The following BCO1 variants were observed in gnomAD, a reference collection of about 807,000 sequenced individuals.
BCO1 encodes beta-carotene oxygenase 1, also known as beta,beta-carotene 15,15'-dioxygenase.
A neutral mutation model predicts 56.3 loss-of-function variants in BCO1; 54 were observed. The observed-to-expected ratio is 0.96, with a 90% CI of 0.77 to 1.20. The LOEUF is 1.20. Ranked by LOEUF, BCO1 falls within the 50% of genes most tolerant of loss-of-function variation. BCO1 has a pLI of 0.00. For synonymous variants in BCO1, 318 were observed against 266.1 expected, an observed-to-expected ratio of 1.20 and a Z score of -1.90; for missense variants, 801 against 690.9, an observed-to-expected ratio of 1.16 and a Z score of -1.79.
chr16:81,261,933 G>A, intron 3 of BCO1: 2 of 547,410 alleles, frequency 3.7e-6, no homozygotes, highest in Non-Finnish European at 6.6e-6. Flanking sequence ...TAGTACAGAC[G>A]GGGTTTCACC....
At chr16:81,290,306 G>A (rs761779838) in intron 10 of BCO1, 42 bp from the exon 11 acceptor site, 2 of 1,514,594 alleles carry the variant, frequency 1.3e-6, no homozygotes, top group African/African-American at 2.7e-5. Flanking sequence ...TCCGACTGAA[G>A]CCTGCACTTT....
chr16:81,271,125 T>A (rs375322592), intron 7 of BCO1, among the ~76,000 whole-genome samples: 1 of 149,964 alleles, frequency 6.7e-6, no homozygotes, highest in Admixed American at 6.6e-5. Context: ...TTTTTTTTTA[T>A]TTTTTTTGAG....
At chr16:81,278,700 A>G (rs142177457) in intron 7 of BCO1, among the ~76,000 whole-genome samples, 8 of 152,280 alleles carry the variant, frequency 5.3e-5, no homozygotes, top group African/African-American at 1.4e-4. Context: ...TTTGGGGAAG[A>G]ACCAGCCTCA....
intron 1 of BCO1, among the ~76,000 whole-genome samples, chr16:81,239,934 G>T (rs1905040039): frequency 6.6e-6 from 1 of 152,148 alleles, no homozygotes; most frequent in Non-Finnish European, 1.5e-5. Flanking sequence ...AGTCAGCTCA[G>T]GCCTGCAGGC....
Position 81,285,600 on chromosome 16 carries a change from C to G in BCO1, c.1268C>G (p.Ala423Gly). ...HNGKQYRYVFATGVQWSPIPT... is the reference protein window; with the variant it reads ...HNGKQYRYVFGTGVQWSPIPT... ...GGAAAGCAATACCGATATGTCTTTG[C>G]TACAGGAGTTCAGTGGAGTCCAATC... The change falls in exon 9 of 11, where the codon GCT becomes GGT. Residue 423 changes from alanine (A) to glycine (G), a missense_variant. Physicochemically the swap from Ala to Gly is moderately conservative, Grantham distance 60 (BLOSUM62 0). Transcript: ENST00000258168. 6.2e-7 allele frequency: 1 copy of G among 1,613,484 alleles called. No individual in the cohort carries two copies. The highest frequency in any genetic ancestry group is 8.5e-7 in the Non-Finnish European group (1 of 1,179,352).
chr16:81,270,528 A>G, intron 7 of BCO1, 112 bp downstream of exon 7: 1 of 1,356,512 alleles, frequency 7.4e-7, no homozygotes, highest in African/African-American at 1.5e-5. Flanking sequence ...CTGTTCTTGA[A>G]AAAAAAAAAA....
intron 7 of BCO1, among the ~76,000 whole-genome samples, chr16:81,275,907 A>C (rs999066265): frequency 3.3e-5 from 5 of 151,494 alleles, no homozygotes; most frequent in Admixed American, 2.0e-4. Context: ...GGCAGGGCTT[A>C]GCAGTGGCGG....
intron 4 of BCO1, 101 bp from the exon 5 acceptor site, chr16:81,264,539 T>C (rs1442631286): frequency 2.2e-6 from 3 of 1,394,176 alleles, no homozygotes; most frequent in South Asian, 1.2e-5. Flanking sequence ...CACGTTTTCA[T>C]AGGACTTCAA....
Position 81,249,592 on chromosome 16 carries a change from G to C in BCO1, c.193+3989G>C, listed in dbSNP as rs574065927. On this transcript the variant is annotated intron_variant, in intron 2 of 10. Coordinates refer to ENST00000258168, the MANE Select transcript of BCO1 (RefSeq NM_017429.3). Reference sequence around the variant, plus strand: ...TTTTTGTATTTTTAGTAGAGATGGGGGTTTCATCATGTTGGCCAGGCCGGT... The same window carrying C: ...TTTTTGTATTTTTAGTAGAGATGGGCGTTTCATCATGTTGGCCAGGCCGGT... Among the ~76,000 whole-genome samples, 3 of 152,086 alleles carry C rather than the reference G, an allele frequency of 2.0e-5. No individual in the cohort carries two copies. In the East Asian group the frequency reaches 5.8e-4, roughly 29 times the overall value.
intron 1 of BCO1, among the ~76,000 whole-genome samples, chr16:81,244,505 C>A (rs1218710023): frequency 6.6e-6 from 1 of 151,950 alleles, no homozygotes; most frequent in Non-Finnish European, 1.5e-5. Flanking sequence ...TCAGACCAAC[C>A]ACATTTCAAG....
chr16:81,265,514 C>G (rs568023374), intron 5 of BCO1, among the ~76,000 whole-genome samples: 100 of 135,206 alleles, frequency 7.4e-4, no homozygotes, highest in African/African-American at 2.5e-3. Context: ...ATTTATCCAT[C>G]TACCCATTCT....
At chr16:81,244,717 CTTTT>C in intron 1 of BCO1, among the ~76,000 whole-genome samples, 1 of 129,202 alleles carries the variant, frequency 7.7e-6, no homozygotes, top group Non-Finnish European at 1.6e-5. Flanking sequence ...TTGCCCCTAT[CTTTT>C]TTTTTTTTTT....
At chr16:81,257,171 T>G (rs1276869753) in intron 2 of BCO1, among the ~76,000 whole-genome samples, 1 of 152,140 alleles carries the variant, frequency 6.6e-6, no homozygotes, top group Admixed American at 6.5e-5. Context: ...TCCCTGAAGC[T>G]TCTCCTGACT....
chr16:81,256,620 G>A (rs1017153193), intron 2 of BCO1, among the ~76,000 whole-genome samples: 1 of 152,196 alleles, frequency 6.6e-6, no homozygotes, highest in African/African-American at 2.4e-5. Flanking sequence ...TGGTGCGGTG[G>A]TTCATGCCTG....
In BCO1 at chr16:81,287,378, C is replaced by T. The variant is rs771242142; in HGVS notation, c.1386C>T (p.Pro462=). Residue 462 remains proline, a synonymous_variant, in exon 10 of 11, where the codon CCC becomes CCT. Coordinates refer to ENST00000258168, the MANE Select transcript of BCO1 (RefSeq NM_017429.3). ...DCWPAEPLFV[P]APGAKDEDDG... Reference sequence around the variant, plus strand: ...GGCCAGCGGAACCCCTGTTTGTGCCCGCGCCAGGTGCCAAGGATGAGGATG... The same window carrying T: ...GGCCAGCGGAACCCCTGTTTGTGCCTGCGCCAGGTGCCAAGGATGAGGATG... The T allele has an allele frequency of 1.5e-5, 24 of 1,613,814 alleles. No individual in the cohort carries two copies. The highest frequency in any genetic ancestry group is 5.5e-5 in the South Asian group (5 of 91,068).
intron 1 of BCO1, among the ~76,000 whole-genome samples, chr16:81,243,359 G>GC (rs1166242954): frequency 1.3e-5 from 2 of 152,024 alleles, no homozygotes; most frequent in Admixed American, 6.6e-5. Context: ...TTGTCCCCTG[G>GC]CCCCCGTTAT....
rs34500060 is a variant in BCO1, at chr16:81,267,855, G to C, written c.620-53G>C. 0.41 allele frequency: 626,957 copies of C among 1,525,068 alleles called. 133,093 individuals carry two copies. The highest frequency in any genetic ancestry group is 0.44 in the Non-Finnish European group (485,726 of 1,103,918). 94.5% of individuals were successfully genotyped at this position (1,525,068 alleles called of 1,614,324 possible). On this transcript the variant is annotated intron_variant, in intron 5 of 10. Coordinates refer to ENST00000258168, the MANE Select transcript of BCO1 (RefSeq NM_017429.3). ...TGTAGGTGATGGTGGTGTGGTCTTGGGGGGGCAGCCAGATCCTGCACAATT... is the reference window on the plus strand; with the variant it reads ...TGTAGGTGATGGTGGTGTGGTCTTGCGGGGGCAGCCAGATCCTGCACAATT...
rs545604093 is a variant in BCO1 at position 81,259,061 on chromosome 16, C to T, written c.194-615C>T. Among the ~76,000 whole-genome samples, 3 of 152,326 alleles carry T rather than the reference C, an allele frequency of 2.0e-5. No individual in the cohort carries two copies. The South Asian group carries it at 6.2e-4, about 32-fold the overall frequency. ...ATTCATGAGGGACCCACCCCCATCA[C>T]CCAGACACCTCCTCCTAGGCCCACC... On this transcript the variant is annotated intron_variant, in intron 2 of 10. Coordinates refer to ENST00000258168, the MANE Select transcript of BCO1 (RefSeq NM_017429.3).
chr16:81,258,037 C>T (rs118072436), intron 2 of BCO1, among the ~76,000 whole-genome samples: 4,374 of 152,148 alleles, frequency 0.029, 100 homozygotes, highest in Middle Eastern at 0.12. Context: ...GGACAGGAGA[C>T]AGGGGTCACA....
Sources: allele counts gnomAD v4.1 joint callset (sites outside exome capture counted in the v4.1 genomes callset), GRCh38; gene constraint gnomAD v4.1.1; transcripts MANE v1.5; gene names NCBI Gene and HGNC (gene_info 2026-07-23, HGNC 2026-07-21).